The following EFHD1 variants were observed in gnomAD, a reference collection of about 807,000 sequenced individuals.
EFHD1 encodes EF-hand domain family member D1.
In EFHD1, 10 loss-of-function variants were observed where a neutral mutation model predicts 17.2. The observed-to-expected ratio is 0.58, with a 90% CI of 0.36 to 0.99. EFHD1 has a LOEUF of 0.99. Ranked by LOEUF, EFHD1 falls within the 50% of genes least tolerant of loss-of-function variation. The probability of loss-of-function intolerance (pLI) is 0.01; values close to 1 mark genes in which losing one functional copy is unlikely to be tolerated. For missense variants in EFHD1, 310 were observed against 327.5 expected, an observed-to-expected ratio of 0.95 and a Z score of 0.41; for synonymous variants, 153 against 142.0, an observed-to-expected ratio of 1.08 and a Z score of -0.55.
intron 1 of EFHD1, among the ~76,000 whole-genome samples, chr2:232,648,912 C>T (rs1254149526): frequency 1.3e-5 from 2 of 152,074 alleles, no homozygotes; most frequent in Admixed American, 1.3e-4. Flanking sequence ...CCCTGAGATG[C>T]AGGCAACCCC....
upstream of EFHD1, chr2:232,633,390 G>A (rs930528220): frequency 1.6e-5 from 18 of 1,097,982 alleles, no homozygotes; most frequent in African/African-American, 2.5e-4. Flanking sequence ...CCTGGTCCCG[G>A]GGGGACGGTC....
chr2:232,636,974 G>A (rs1053297443), intron 1 of EFHD1, among the ~76,000 whole-genome samples: 2 of 152,120 alleles, frequency 1.3e-5, no homozygotes, highest in Non-Finnish European at 2.9e-5. Flanking sequence ...GGTCCCCGTG[G>A]GACTGTGTGC....
At chr2:232,607,968 A>G (rs1693751086) in intron 1 of EFHD1, among the ~76,000 whole-genome samples, 1 of 152,000 alleles carries the variant, frequency 6.6e-6, no homozygotes, top group Non-Finnish European at 1.5e-5. Flanking sequence ...AATAAAATGA[A>G]TTGAAGGTAA....
At chr2:232,623,903 G>A (rs763901456) in intron 1 of EFHD1, among the ~76,000 whole-genome samples, 1 of 152,046 alleles carries the variant, frequency 6.6e-6, no homozygotes, top group Non-Finnish European at 1.5e-5. Context: ...GCAGAGAAGG[G>A]GAAGAGAGAG....
At chr2:232,606,110 T>C (rs967193146) in exon 1 of EFHD1, 9 of 1,546,584 alleles carry the variant, frequency 5.8e-6, no homozygotes, top group Non-Finnish European at 7.9e-6. Context: ...TTCTCCGTAC[T>C]GTCCCTGTGA....
At chr2:232,636,970 C>T (rs1287498465) in intron 1 of EFHD1, among the ~76,000 whole-genome samples, 2 of 152,084 alleles carry the variant, frequency 1.3e-5, no homozygotes, top group Non-Finnish European at 2.9e-5. Context: ...TCCGGGTCCC[C>T]GTGGGACTGT....
chr2:232,677,573 A>T lies in EFHD1; in HGVS notation c.586-4012A>T, dbSNP rs1383004553. ...TCTCATTACAAAAACAAACAAAAAT[A>T]TTAGCTGGGTATGGCGGTGCATGTC... is the stretch of plus-strand genomic sequence containing the variant. On this transcript the variant is annotated intron_variant, in intron 3 of 3. Coordinates refer to ENST00000264059, the MANE Select transcript of EFHD1 (RefSeq NM_025202.4). Among the ~76,000 whole-genome samples the T allele has an allele frequency of 3.3e-5, 5 of 152,222 alleles. No individual in the cohort carries two copies. The East Asian group carries it at 5.8e-4, about 18-fold the overall frequency.
intron 1 of EFHD1, among the ~76,000 whole-genome samples, chr2:232,660,218 G>T (rs1039783828): frequency 6.7e-6 from 1 of 149,060 alleles, no homozygotes. Context: ...TTTTTGAGGC[G>T]GAATCTTGCT....
intron 1 of EFHD1, among the ~76,000 whole-genome samples, chr2:232,614,083 A>C (rs377136670): frequency 1.3e-5 from 2 of 150,156 alleles, no homozygotes; most frequent in African/African-American, 4.9e-5. Flanking sequence ...TTATACACAC[A>C]TATATACACA....
chr2:232,660,381 A>T (rs923390988), intron 1 of EFHD1, among the ~76,000 whole-genome samples: 12 of 151,526 alleles, frequency 7.9e-5, no homozygotes, highest in African/African-American at 2.9e-4. Flanking sequence ...TTTTTAGTAG[A>T]GATGGGATTT....
In EFHD1 at chr2:232,676,747, C is replaced by T. The variant is rs185773445; in HGVS notation, c.585+4304C>T. 6.3e-4 allele frequency among the ~76,000 whole-genome samples: 96 copies of T among 152,230 alleles called. 1 individual carries two copies. Among genetic ancestry groups the T allele is most frequent in the Admixed American group, 1.2e-3 (19 of 15,282 alleles). On this transcript the variant is annotated intron_variant, in intron 3 of 3. Transcript: ENST00000264059. Reference sequence around the variant, plus strand: ...ATGGTAGAACAGACTGGTGCCAGGACTGTGGGGAAGGCTGGCATTTAGGCC... The same window carrying T: ...ATGGTAGAACAGACTGGTGCCAGGATTGTGGGGAAGGCTGGCATTTAGGCC...
intron 1 of EFHD1, among the ~76,000 whole-genome samples, chr2:232,640,864 G>C (rs1694418820): frequency 6.6e-6 from 1 of 152,166 alleles, no homozygotes. Context: ...CAGGCCCTGG[G>C]TGGAGGCAGC....
intron 1 of EFHD1, among the ~76,000 whole-genome samples, chr2:232,626,516 C>T (rs573782483): frequency 2.0e-5 from 3 of 152,190 alleles, no homozygotes; most frequent in Admixed American, 6.5e-5. Context: ...CCACTGCACC[C>T]CAGCTTGGGT....
upstream of EFHD1, among the ~76,000 whole-genome samples, chr2:232,630,056 T>A (rs972554832): frequency 1.3e-5 from 2 of 152,124 alleles, no homozygotes; most frequent in Non-Finnish European, 2.9e-5. Flanking sequence ...TTCAAGCGAT[T>A]CTCCCACCTC....
At chr2:232,665,377 T>A (rs770404495) in intron 2 of EFHD1, among the ~76,000 whole-genome samples, 9 of 152,040 alleles carry the variant, frequency 5.9e-5, no homozygotes, top group Non-Finnish European at 1.2e-4. Context: ...TCTTTATGAG[T>A]TTTATCAGAA....
At chr2:232,609,047 A>C (rs917923117) in intron 1 of EFHD1, among the ~76,000 whole-genome samples, 1 of 147,742 alleles carries the variant, frequency 6.8e-6, no homozygotes, top group Non-Finnish European at 1.5e-5. Context: ...CATGAGATGC[A>C]TAAGTTCTTT....
intron 1 of EFHD1, among the ~76,000 whole-genome samples, chr2:232,660,701 G>A (rs1694848769): frequency 6.6e-6 from 1 of 152,038 alleles, no homozygotes; most frequent in South Asian, 2.1e-4. Context: ...GACCAGGCCA[G>A]GTGTAGTGGC....
At chr2:232,670,571 A>T (rs138143896) in intron 2 of EFHD1, among the ~76,000 whole-genome samples, 1 of 152,316 alleles carries the variant, frequency 6.6e-6, no homozygotes, top group African/African-American at 2.4e-5. Flanking sequence ...TGCAAGGATT[A>T]CTAACCAACC....
chr2:232,654,534 C>T (rs147421608), intron 1 of EFHD1, among the ~76,000 whole-genome samples: 214 of 149,352 alleles, frequency 1.4e-3, no homozygotes, highest in African/African-American at 4.8e-3. Flanking sequence ...AATTCTCCTG[C>T]CTCAGCCTCC....
Sources: allele counts gnomAD v4.1 joint callset (sites outside exome capture counted in the v4.1 genomes callset), GRCh38; gene constraint gnomAD v4.1.1; transcripts MANE v1.5; gene names NCBI Gene and HGNC (gene_info 2026-07-23, HGNC 2026-07-21).